The following PKP2 variants were observed in gnomAD, a reference collection of about 807,000 sequenced individuals.
The protein encoded by PKP2 is plakophilin-2.
In PKP2, 73 loss-of-function variants were observed where a neutral mutation model predicts 83.4. That is an observed-to-expected ratio of 0.88 (90% CI 0.72 to 1.06). The LOEUF (loss-of-function observed/expected upper bound fraction) is 1.06. Ranked by LOEUF, PKP2 falls within the 50% of genes least tolerant of loss-of-function variation. The pLI is 0.00. For missense variants in PKP2, 966 were observed against 1,065.4 expected, an observed-to-expected ratio of 0.91 and a Z score of 1.30; for synonymous variants, 409 against 430.4, an observed-to-expected ratio of 0.95 and a Z score of 0.62.
intron 11 of PKP2, among the ~76,000 whole-genome samples, chr12:32,795,563 T>C (rs531635328): frequency 6.6e-6 from 1 of 152,292 alleles, no homozygotes; most frequent in Admixed American, 6.5e-5. Flanking sequence ...GTATTTTTAC[T>C]AGAGACAGGG....
At chr12:32,850,662 G>A (rs1956687293) in intron 5 of PKP2, 104 bp downstream of exon 5, 1 of 843,248 alleles carries the variant, frequency 1.2e-6, no homozygotes, top group African/African-American at 1.7e-5. Context: ...ATAACAATGA[G>A]CCCATCAATC....
At chr12:32,821,265 C>A in intron 9 of PKP2, 91 bp downstream of exon 9, 1 of 1,176,004 alleles carries the variant, frequency 8.5e-7, no homozygotes, top group East Asian at 2.4e-5. Flanking sequence ...AAACCTTTTT[C>A]TCTTCCCTCA....
At chr12:32,879,479 C>A (rs1455254938) in intron 1 of PKP2, among the ~76,000 whole-genome samples, 1 of 151,714 alleles carries the variant, frequency 6.6e-6, no homozygotes, top group South Asian at 2.1e-4. Context: ...TTGCAGTGAG[C>A]CAAGATCACA....
At chr12:32,831,889 T>G (rs1027283789) in intron 6 of PKP2, among the ~76,000 whole-genome samples, 1 of 152,164 alleles carries the variant, frequency 6.6e-6, no homozygotes, top group African/African-American at 2.4e-5. Context: ...AACACTGGGT[T>G]CAGGAAGAAC....
At chr12:32,880,168 C>T (rs556291883) in intron 1 of PKP2, among the ~76,000 whole-genome samples, 32 of 151,048 alleles carry the variant, frequency 2.1e-4, no homozygotes, top group African/African-American at 7.1e-4. Flanking sequence ...TTTGGGAGGC[C>T]GAGGTGGGCG....
chr12:32,820,042 C>T (rs2137768694), intron 9 of PKP2: 1 of 152,238 alleles, frequency 6.6e-6, no homozygotes, highest in South Asian at 2.1e-4. Context: ...TTAAGGGCTC[C>T]CTGGTAGTTC....
chr12:32,894,990 G>A (rs1220005506), intron 1 of PKP2, among the ~76,000 whole-genome samples: 1 of 152,074 alleles, frequency 6.6e-6, no homozygotes, highest in African/African-American at 2.4e-5. Context: ...GCCACGGAGA[G>A]GCTTAGCATC....
chr12:32,856,299 TG>T (rs1179818395), intron 4 of PKP2, among the ~76,000 whole-genome samples: 4 of 152,128 alleles, frequency 2.6e-5, no homozygotes, highest in Admixed American at 2.6e-4. Context: ...AAGGTCTCCC[TG>T]GGGGCTGTGA....
In PKP2 at chr12:32,853,453, G is replaced by A. The variant is rs576893672; in HGVS notation, c.1171-2480C>T. Among the ~76,000 whole-genome samples, 6 of 144,270 alleles carry A rather than the reference G, an allele frequency of 4.2e-5. No individual in the cohort carries two copies. In the South Asian group the frequency reaches 6.5e-4, roughly 16 times the overall value. 94.6% of individuals were successfully genotyped at this position (144,270 alleles called of 152,430 possible). A position where few individuals can be genotyped will look rare whatever the true frequency, so the allele number is the denominator to read the frequency against. ...TATGTTAAAACAACCTGTAATTCAC[G>A]TTTCCCTAATTCCCTAATTTTTATT... is the stretch of plus-strand genomic sequence containing the variant. On this transcript the variant is annotated intron_variant, in intron 4 of 12. Coordinates refer to ENST00000340811, the MANE Select transcript of PKP2 (RefSeq NM_001005242.3).
intron 10 of PKP2, 106 bp downstream of exon 10, chr12:32,802,297 C>A: frequency 8.5e-7 from 1 of 1,173,554 alleles, no homozygotes; most frequent in Non-Finnish European, 1.3e-6. Context: ...ACTCCTTACT[C>A]CCATTTCCAG....
At chr12:32,843,134 G>A (rs1253701181) in intron 5 of PKP2, 11 of 424,580 alleles carry the variant, frequency 2.6e-5, no homozygotes, top group East Asian at 7.1e-5. Flanking sequence ...CGCAGACCAC[G>A]ACACCCGGCT....
chr12:32,869,275 T>C (rs575623043), intron 3 of PKP2, among the ~76,000 whole-genome samples: 12 of 151,930 alleles, frequency 7.9e-5, no homozygotes, highest in African/African-American at 2.7e-4. Flanking sequence ...ATAGAAGACA[T>C]TGGACGATGT....
chr12:32,805,372 T>A (rs1314776374), intron 9 of PKP2, among the ~76,000 whole-genome samples: 1 of 152,214 alleles, frequency 6.6e-6, no homozygotes, highest in Admixed American at 6.5e-5. Context: ...TCATGAAATC[T>A]TTGCCAGTGC....
At chr12:32,874,823 C>T (rs1437032264) in intron 3 of PKP2, among the ~76,000 whole-genome samples, 1 of 152,116 alleles carries the variant, frequency 6.6e-6, no homozygotes, top group Non-Finnish European at 1.5e-5. Context: ...TCACTGTAGC[C>T]TCAACCTCCC....
chr12:32,847,403 A>G (rs890885593), intron 5 of PKP2, among the ~76,000 whole-genome samples: 1 of 152,226 alleles, frequency 6.6e-6, no homozygotes, highest in African/African-American at 2.4e-5. Context: ...TATCAACTCT[A>G]TAGATGATCT....
chr12:32,802,359 C>T lies in PKP2; in HGVS notation c.2167+44G>A, dbSNP rs200517204. On this transcript the variant is annotated intron_variant, in intron 10 of 12. Coordinates refer to ENST00000340811, the MANE Select transcript of PKP2 (RefSeq NM_001005242.3). ...CAGACAACATTTCATTGCATTGTAT[C>T]TTCAGCATGTACATATTACACATAG... 121 of 1,582,316 alleles carry T rather than the reference C, an allele frequency of 7.6e-5. 1 individual carries two copies. The African/African-American group carries it at 1.5e-3, about 19-fold the overall frequency.
At chr12:32,848,361 G>A (rs1338314637) in intron 5 of PKP2, among the ~76,000 whole-genome samples, 2 of 152,152 alleles carry the variant, frequency 1.3e-5, no homozygotes, top group African/African-American at 2.4e-5. Flanking sequence ...GGAACCAGAC[G>A]TTGCAGTGAG....
At chr12:32,850,734 T>TC in intron 5 of PKP2, 32 bp downstream of exon 5, 1 of 1,548,092 alleles carries the variant, frequency 6.5e-7, no homozygotes, top group Non-Finnish European at 8.9e-7. Flanking sequence ...GGTGCAAATG[T>TC]GTTAGGTTCT....
At chr12:32,820,059 T>A (rs1956362415) in intron 9 of PKP2, 1 of 152,220 alleles carries the variant, frequency 6.6e-6, no homozygotes, top group Admixed American at 6.5e-5. Flanking sequence ...GTTCCCAGTT[T>A]CTTTCTCAAT....
Sources: gnomAD v4.1 joint callset for allele counts (sites outside exome capture counted in the v4.1 genomes callset) on GRCh38, gnomAD v4.1.1 for gene constraint, MANE v1.5 for transcripts, NCBI Gene and HGNC (gene_info 2026-07-23, HGNC 2026-07-21) for gene names.